IGSF5: variants seen among roughly 807,000 people sequenced by gnomAD.
The protein encoded by IGSF5 is immunoglobulin superfamily 5 like.
IGSF5 carries 41 observed loss-of-function variants against 39.4 expected under a neutral mutation model. The observed-to-expected ratio is 1.04, with a 90% CI of 0.81 to 1.35. The LOEUF (loss-of-function observed/expected upper bound fraction) is 1.35, where lower values mean the gene tolerates loss of function less well. IGSF5 is among the 40% of genes most tolerant of loss of function. The pLI is 0.00. For synonymous variants in IGSF5, 183 were observed against 175.3 expected, an observed-to-expected ratio of 1.04 and a Z score of -0.34; for missense variants, 487 against 494.6, an observed-to-expected ratio of 0.98 and a Z score of 0.15.
the IGSF5 span, among the ~76,000 whole-genome samples, chr21:39,718,519 T>G: frequency 6.6e-6 from 1 of 152,220 alleles, no homozygotes; most frequent in Admixed American, 6.5e-5. Context: ...TTGAGGTATA[T>G]TCCTTCAATA....
At chr21:39,787,552 GTTTTTT>G (rs33925299) in intron 5 of IGSF5, among the ~76,000 whole-genome samples, 1 of 119,908 alleles carries the variant, frequency 8.3e-6, no homozygotes. Flanking sequence ...TAATGACAGT[GTTTTTT>G]TTTTTTTTTT....
intron 8 of IGSF5, among the ~76,000 whole-genome samples, chr21:39,795,268 C>A (rs1417054092): frequency 6.6e-6 from 1 of 152,088 alleles, no homozygotes; most frequent in Non-Finnish European, 1.5e-5. Context: ...TTTAGAAGGA[C>A]CAGTCTCTGA....
In IGSF5 at chr21:39,779,135, C is replaced by T. The variant is rs756212768; in HGVS notation, c.764C>T (p.Pro255Leu). ...ATTCCAGGTGTATTATCAAGTTTAC[C>T]GAGTTTAGGTTTTTCATTGCCTACT... ...INIPGVLSSL[P>L]SLGFSLPTWG... Residue 255 changes from proline to leucine, a missense_variant, in exon 5 of 9, where the codon CCG (proline) becomes CTG (leucine). Pro to Leu is a moderately conservative substitution (Grantham distance 98, BLOSUM62 -3). Transcript: ENST00000380588. 197 of 1,613,526 alleles carry T rather than the reference C, an allele frequency of 1.2e-4. No homozygotes were observed. Among genetic ancestry groups the T allele is most frequent in the Admixed American group, 1.7e-4 (10 of 59,976 alleles).
intron 5 of IGSF5, among the ~76,000 whole-genome samples, chr21:39,780,919 A>T (rs1202686037): frequency 1.3e-5 from 2 of 152,198 alleles, no homozygotes; most frequent in East Asian, 3.9e-4. Flanking sequence ...GTACAGTTAA[A>T]TTATTTTTCT....
At chr21:39,794,748 G>T (rs1352723116) in intron 8 of IGSF5, among the ~76,000 whole-genome samples, 1 of 152,182 alleles carries the variant, frequency 6.6e-6, no homozygotes, top group African/African-American at 2.4e-5. Context: ...CACTGGGCCA[G>T]ATGGGTTGGG....
intron 8 of IGSF5, 33 bp downstream of exon 8, chr21:39,793,646 T>C: frequency 1.3e-6 from 2 of 1,555,196 alleles, no homozygotes; most frequent in East Asian, 2.2e-5. Context: ...TTTTTGGACT[T>C]TTTTGGCTAT....
the IGSF5 span, among the ~76,000 whole-genome samples, chr21:39,717,587 T>C: frequency 1.3e-5 from 2 of 152,180 alleles, no homozygotes; most frequent in Admixed American, 1.3e-4. Flanking sequence ...GCACCACTTA[T>C]TGAGTAGGGA....
chr21:39,792,799 A>G (rs1259071719), intron 7 of IGSF5, among the ~76,000 whole-genome samples: 1 of 152,136 alleles, frequency 6.6e-6, no homozygotes, highest in Non-Finnish European at 1.5e-5. Flanking sequence ...AGACAACATC[A>G]CCAGGAAGCA....
chr21:39,715,402 A>G, the IGSF5 span, among the ~76,000 whole-genome samples: 1 of 152,204 alleles, frequency 6.6e-6, no homozygotes, highest in Non-Finnish European at 1.5e-5. Flanking sequence ...TGTGGGTATG[A>G]GCCACCATGA....
intron 2 of IGSF5, 121 bp downstream of exon 2, chr21:39,746,419 G>T (rs968401903): frequency 5.2e-5 from 30 of 573,842 alleles, no homozygotes; most frequent in African/African-American, 4.7e-4. Context: ...GTCCCAAAGG[G>T]GGTTGCTCCC....
the IGSF5 span, among the ~76,000 whole-genome samples, chr21:39,728,695 G>A: frequency 6.6e-6 from 1 of 152,142 alleles, no homozygotes; most frequent in Admixed American, 6.5e-5. Context: ...CCCAAGCTAG[G>A]ATAACCTCTA....
rs369952138 is a variant in IGSF5 at position 39,745,987 on chromosome 21, G to A, written c.18-229G>A. 2.3e-3 allele frequency among the ~76,000 whole-genome samples: 357 copies of A among 152,238 alleles called. 2 individuals are homozygous for A. Among genetic ancestry groups the A allele is most frequent in the African/African-American group, 8.0e-3 (331 of 41,538 alleles). On this transcript the variant is annotated intron_variant, in intron 1 of 8. Coordinates refer to ENST00000380588, the MANE Select transcript of IGSF5 (RefSeq NM_001080444.2). Reference sequence around the variant, plus strand: ...CACTTCCAAGATGGCGGCAAGCCTCGTGTTCTCTGACCTGGGGTTCTTGGC... The same window carrying A: ...CACTTCCAAGATGGCGGCAAGCCTCATGTTCTCTGACCTGGGGTTCTTGGC...
At chr21:39,792,614 G>A (rs1040733661) in intron 7 of IGSF5, among the ~76,000 whole-genome samples, 5 of 152,072 alleles carry the variant, frequency 3.3e-5, no homozygotes, top group African/African-American at 1.2e-4. Flanking sequence ...TAATACATTG[G>A]GGGTAACTTC....
chr21:39,732,176 T>C, the IGSF5 span, among the ~76,000 whole-genome samples: 508 of 152,272 alleles, frequency 3.3e-3, no homozygotes, highest in African/African-American at 0.012. Context: ...AGCTGACCCA[T>C]GTGAAGCAGG....
At chr21:39,739,307 G>A in the IGSF5 span, among the ~76,000 whole-genome samples, 1 of 151,496 alleles carries the variant, frequency 6.6e-6, no homozygotes, top group East Asian at 1.9e-4. Flanking sequence ...TGAAAATAGA[G>A]CTCCCATACA....
chr21:39,800,122 G>A (rs1301545638), intron 8 of IGSF5, among the ~76,000 whole-genome samples: 1 of 152,190 alleles, frequency 6.6e-6, no homozygotes, highest in Non-Finnish European at 1.5e-5. Flanking sequence ...CAATTACTGG[G>A]AAAGGCATGC....
intron 8 of IGSF5, among the ~76,000 whole-genome samples, chr21:39,794,328 T>C (rs1432380082): frequency 6.6e-6 from 1 of 152,168 alleles, no homozygotes; most frequent in African/African-American, 2.4e-5. Flanking sequence ...GATGTCCACA[T>C]GGAGATGCTG....
the IGSF5 span, chr21:39,722,347 ACCTTCTCTGC>A: frequency 6.6e-6 from 1 of 152,180 alleles, no homozygotes; most frequent in African/African-American, 2.4e-5. Flanking sequence ...CAGGCACATG[ACCTTCTCTGC>A]CCCGTTGAAG....
intron 2 of IGSF5, among the ~76,000 whole-genome samples, chr21:39,754,575 G>C (rs547957715): frequency 7.2e-5 from 11 of 152,330 alleles, no homozygotes; most frequent in Admixed American, 3.3e-4. Flanking sequence ...GATCTTCTGA[G>C]TGTGTTTGCC....
Sources: allele counts gnomAD v4.1 joint callset (sites outside exome capture counted in the v4.1 genomes callset), GRCh38; gene constraint gnomAD v4.1.1; transcripts MANE v1.5; gene names NCBI Gene and HGNC (gene_info 2026-07-23, HGNC 2026-07-21).